KAT6B: variants seen among roughly 807,000 people sequenced by gnomAD.
The protein encoded by KAT6B is lysine acetyltransferase 6B, also known as histone acetyltransferase KAT6B.
Under a neutral mutation model 187.5 loss-of-function variants are expected in KAT6B, and 10 were observed. The observed-to-expected ratio is 0.05, with a 90% confidence interval of 0.03 to 0.09. The LOEUF (loss-of-function observed/expected upper bound fraction) is 0.09. Ranked by LOEUF, KAT6B falls within the 10% of genes least tolerant of loss-of-function variation. The probability of loss-of-function intolerance (pLI) is 1.00; values close to 1 mark genes in which losing one functional copy is unlikely to be tolerated. For missense variants in KAT6B, 1,952 were observed against 2,558.9 expected, an observed-to-expected ratio of 0.76 and a Z score of 5.12; for synonymous variants, 861 against 926.8, an observed-to-expected ratio of 0.93 and a Z score of 1.29.
chr10:74,922,592 A>G (rs918339454), intron 3 of KAT6B, among the ~76,000 whole-genome samples: 1 of 152,230 alleles, frequency 6.6e-6, no homozygotes, highest in African/African-American at 2.4e-5. Flanking sequence ...TGATGGCCTG[A>G]ATTAATCTGA....
chr10:74,885,236 TA>T lies in KAT6B; in HGVS notation c.621+41770del, dbSNP rs200300002. Among the ~76,000 whole-genome samples the T allele has an allele frequency of 8.9e-3, 1,305 of 147,114 alleles. 78 individuals carry two copies. In the East Asian group the frequency reaches 0.16, roughly 18 times the overall value. On this transcript the variant is annotated intron_variant, in intron 3 of 17. Transcript: ENST00000287239. ...GCATGTACCACCATACCTGGCTAAT[TA>T]AAAAAAAAAAATTTTGTAGATATGG...
chr10:74,943,355 A>G (rs1199709120), intron 3 of KAT6B, among the ~76,000 whole-genome samples: 1 of 152,244 alleles, frequency 6.6e-6, no homozygotes, highest in Non-Finnish European at 1.5e-5. Context: ...TCCCATGTTC[A>G]TAGAAGACTG....
chr10:74,954,845 C>G (rs1840564542), intron 3 of KAT6B, among the ~76,000 whole-genome samples: 1 of 152,164 alleles, frequency 6.6e-6, no homozygotes, highest in Non-Finnish European at 1.5e-5. Context: ...AGAAACTGGG[C>G]CATTTTTTCC....
intron 3 of KAT6B, among the ~76,000 whole-genome samples, chr10:74,847,981 C>T (rs985379391): frequency 6.7e-6 from 1 of 149,406 alleles, no homozygotes; most frequent in Non-Finnish European, 1.5e-5. Context: ...TACAATGGCA[C>T]AATCATGGCC....
At chr10:74,856,456 A>G (rs1411488578) in intron 3 of KAT6B, among the ~76,000 whole-genome samples, 1 of 152,168 alleles carries the variant, frequency 6.6e-6, no homozygotes, top group Non-Finnish European at 1.5e-5. Context: ...GTCACCTTTA[A>G]TAGAGAACAG....
At chr10:75,017,438 A>G (rs1173087333) in intron 13 of KAT6B, among the ~76,000 whole-genome samples, 1 of 151,958 alleles carries the variant, frequency 6.6e-6, no homozygotes, top group Non-Finnish European at 1.5e-5. Context: ...AAATGGTGAA[A>G]CCCTGTCTCT....
At position 74,836,629 on chromosome 10, in the gene KAT6B, C is replaced by T. The variant is rs542244031; in HGVS notation, c.-328-2054C>T. ...AGGATTTGAAAGATAAGAAATATCA[C>T]CATATGGATGGCGTTTCATGTTGTC... On this transcript the variant is annotated intron_variant, in intron 1 of 17. Coordinates refer to ENST00000287239, the MANE Select transcript of KAT6B (RefSeq NM_012330.4). Among the ~76,000 whole-genome samples, 80 of 152,286 alleles carry T rather than the reference C, an allele frequency of 5.3e-4. 1 individual carries two copies. In the South Asian group the frequency reaches 0.015, roughly 29 times the overall value.
chr10:74,965,850 C>A lies in KAT6B; in HGVS notation c.731-3810C>A, dbSNP rs530607627. Among the ~76,000 whole-genome samples the A allele has an allele frequency of 2.8e-3, 430 of 151,678 alleles. 3 individuals are homozygous for A. Among genetic ancestry groups the A allele is most frequent in the African/African-American group, 1.0e-2 (412 of 41,354 alleles). On this transcript the variant is annotated intron_variant, in intron 4 of 17. Transcript: ENST00000287239. ...ACGCCATTCTTCCACCTCAGCCTCC[C>A]GAGTAGCTGGGACTACAGGCGCCCG...
At chr10:74,933,261 T>G (rs542317114) in intron 3 of KAT6B, among the ~76,000 whole-genome samples, 21 of 152,338 alleles carry the variant, frequency 1.4e-4, no homozygotes, top group African/African-American at 4.8e-4. Context: ...AAAAAAGAGA[T>G]AGCCTAGACA....
chr10:74,976,688 C>T (rs1368091584), intron 8 of KAT6B: 2 of 369,188 alleles, frequency 5.4e-6, no homozygotes, highest in East Asian at 1.4e-4. Flanking sequence ...GCAGCCACAG[C>T]GCTGTTCAGT....
chr10:74,867,302 G>T (rs1408465901), intron 3 of KAT6B, among the ~76,000 whole-genome samples: 2 of 151,978 alleles, frequency 1.3e-5, no homozygotes, highest in African/African-American at 2.4e-5. Context: ...GTGGGTTTTT[G>T]CTATATATAT....
chr10:74,959,271 T>C (rs188376727), intron 3 of KAT6B, among the ~76,000 whole-genome samples: 1 of 152,296 alleles, frequency 6.6e-6, no homozygotes, highest in Admixed American at 6.5e-5. Flanking sequence ...ATAATAGCAA[T>C]CTGCGCTGCA....
chr10:74,830,771 T>TACA (rs1840782479), intron 1 of KAT6B, among the ~76,000 whole-genome samples: 1 of 16,104 alleles, frequency 6.2e-5, no homozygotes, highest in Non-Finnish European at 1.2e-4. Flanking sequence ...TATATATATT[T>TACA]TTTTTTTTTT....
rs1841274548 is a variant in KAT6B at position 74,963,865 on chromosome 10, T to TCTTTG, written c.730+3787_730+3788insCTTTG. On this transcript the variant is annotated intron_variant, in intron 4 of 17. Transcript: ENST00000287239. ...GAGGCCAGGCGCTGTGGCTCACGCC[T>TCTTTG]GTAGTCCCAGCACTTTGGGAGGCCA... is the stretch of plus-strand genomic sequence containing the variant. Among the ~76,000 whole-genome samples the TCTTTG allele has an allele frequency of 2.0e-5, 3 of 152,194 alleles. No individual in the cohort carries two copies. In the South Asian group the frequency reaches 6.2e-4, roughly 32 times the overall value.
At chr10:75,004,852 C>G (rs140683853) in intron 13 of KAT6B, among the ~76,000 whole-genome samples, 1,576 of 152,130 alleles carry the variant, frequency 0.01, 31 homozygotes, top group African/African-American at 0.036. Flanking sequence ...CAGGCACATG[C>G]CACCATTCCT....
chr10:74,825,412 C>T (rs1349394193), upstream of KAT6B, among the ~76,000 whole-genome samples: 2 of 150,172 alleles, frequency 1.3e-5, no homozygotes, highest in Non-Finnish European at 3.0e-5. This position sits in a 1 kb window ranked among gnomAD's most constrained non-coding sequence, Gnocchi z 5.0. Context: ...GCGCCCCCGG[C>T]CAGGCCGGGC....
intron 3 of KAT6B, among the ~76,000 whole-genome samples, chr10:74,910,421 G>A (rs559778782): frequency 1.3e-5 from 2 of 152,302 alleles, no homozygotes; most frequent in South Asian, 2.1e-4. Context: ...GTTTTCAACA[G>A]CCTTATCAGG....
intron 3 of KAT6B, among the ~76,000 whole-genome samples, chr10:74,905,098 A>T (rs183246200): frequency 6.6e-6 from 1 of 152,346 alleles, no homozygotes; most frequent in African/African-American, 2.4e-5. Context: ...GATGATGTCC[A>T]GTAAAAGGCA....
At chr10:74,969,616 A>G (rs1564595824) in intron 4 of KAT6B, 44 bp from the exon 5 acceptor site, 1 of 1,172,108 alleles carries the variant, frequency 8.5e-7, no homozygotes, top group Non-Finnish European at 1.3e-6. Context: ...TAAAAAAGTC[A>G]AAGGCACCAT....
Sources: allele counts gnomAD v4.1 joint callset (sites outside exome capture counted in the v4.1 genomes callset), GRCh38; gene constraint gnomAD v4.1.1; non-coding constraint Gnocchi (gnomAD v3.1); transcripts MANE v1.5; gene names NCBI Gene and HGNC (gene_info 2026-07-23, HGNC 2026-07-21).